Variants in RHAG observed in about 807,000 individuals in gnomAD.
The protein encoded by RHAG is ammonium transporter Rh type A.
In RHAG, 25 loss-of-function variants were observed where a neutral mutation model predicts 42.4. That is an observed-to-expected ratio of 0.59 (90% CI 0.43 to 0.82). RHAG has a LOEUF of 0.82. Among genes scored for constraint, RHAG ranks in the 40% least tolerant of loss-of-function variants. RHAG has a pLI of 0.00. For missense variants in RHAG, 483 were observed against 504.6 expected, an observed-to-expected ratio of 0.96 and a Z score of 0.41; for synonymous variants, 182 against 177.7, an observed-to-expected ratio of 1.02 and a Z score of -0.19.
intron 1 of RHAG, among the ~76,000 whole-genome samples, chr6:49,620,000 G>C (rs575517269): frequency 2.4e-4 from 37 of 152,316 alleles, no homozygotes; most frequent in African/African-American, 8.9e-4. Flanking sequence ...AATAGCACCA[G>C]CCACGAAAAT....
chr6:49,611,269 T>C (rs1762564757), intron 6 of RHAG, 124 bp from the exon 7 acceptor site: 5 of 758,872 alleles, frequency 6.6e-6, no homozygotes, highest in Non-Finnish European at 1.1e-5. Flanking sequence ...ATAATTTTTA[T>C]GTATATTTAA....
At chr6:49,622,831 T>A (rs1047968083) in intron 1 of RHAG, among the ~76,000 whole-genome samples, 6 of 83,838 alleles carry the variant, frequency 7.2e-5, no homozygotes, top group Admixed American at 1.7e-4. Context: ...AAAACCAGAC[T>A]TTTTTTTTTT....
chr6:49,615,095 G>A (rs115781892), intron 4 of RHAG: 5 of 462,164 alleles, frequency 1.1e-5, no homozygotes, highest in South Asian at 7.5e-5. Flanking sequence ...TTACAGGTGC[G>A]GGCTACCATG....
chr6:49,607,002 T>C, intron 8 of RHAG, 81 bp from the exon 9 acceptor site: 1 of 1,214,070 alleles, frequency 8.2e-7, no homozygotes, highest in Non-Finnish European at 1.2e-6. Context: ...TATACTATTA[T>C]AAAATCATCC....
Position 49,606,830 on chromosome 6 carries a change from T to C in RHAG, c.1212+18A>G. 6.5e-7 allele frequency: 1 copy of C among 1,535,818 alleles called. No individual in the cohort carries two copies. The highest frequency in any genetic ancestry group is 9.0e-7 in the Non-Finnish European group (1 of 1,108,868). ...TGGAGTCATCGTTCACATTCTTGTTTAGAATACTGTACAGTACCTTCCAAT... is the reference window on the plus strand; with the variant it reads ...TGGAGTCATCGTTCACATTCTTGTTCAGAATACTGTACAGTACCTTCCAAT... On this transcript the variant is annotated intron_variant, in intron 9 of 9. Coordinates refer to ENST00000371175, the MANE Select transcript of RHAG (RefSeq NM_000324.3).
chr6:49,611,267 T>C (rs1762564702), intron 6 of RHAG, 122 bp from the exon 7 acceptor site: 1 of 757,946 alleles, frequency 1.3e-6, no homozygotes. Flanking sequence ...AAATAATTTT[T>C]ATGTATATTT....
rs1389251549 is a variant in RHAG, at chr6:49,636,700, A to T, written c.113T>A (p.Ile38Asn). The T allele has an allele frequency of 1.2e-6, 2 of 1,613,878 alleles. No individual in the cohort carries two copies. Among genetic ancestry groups the T allele is most frequent in the Non-Finnish European group, 1.7e-6 (2 of 1,179,864 alleles). ...TDQTVLEQLN[I>N]TKPTDMGIFF... ...TATGCCCATGTCTGTTGGCTTGGTG[A>T]TGTTGAGCTGCTCGAGAACAGTCTG... Residue 38 changes from isoleucine (I) to asparagine (N), a missense_variant, in exon 1 of 10, where the codon ATC becomes AAC. Physicochemically the swap from Ile to Asn is moderately radical, Grantham distance 149. Coordinates refer to ENST00000371175, the MANE Select transcript of RHAG (RefSeq NM_000324.3).
Position 49,611,062 on chromosome 6 carries a change from A to T in RHAG, c.1029T>A (p.Leu343=), listed in dbSNP as rs773108106. The T allele has an allele frequency of 2.5e-6, 4 of 1,613,886 alleles. No homozygotes were observed. The highest frequency in any genetic ancestry group is 3.4e-6 in the Non-Finnish European group (4 of 1,179,842). ...LHGLPGVVGG[L]AGIVAVAMGA... is the part of the protein sequence containing the mutation. ...CCATTGCTACTGCCACAATGCCTGC[A>T]AGGCCTCCCACTACACCAGGTAAGC... The change falls in exon 7 of 10, where the codon CTT becomes CTA. Residue 343 remains leucine, a synonymous_variant. Transcript: ENST00000371175.
intron 3 of RHAG, among the ~76,000 whole-genome samples, chr6:49,617,472 A>G (rs770436794): frequency 6.7e-6 from 1 of 148,946 alleles, no homozygotes; most frequent in Admixed American, 6.8e-5. Context: ...GAACTTTCAT[A>G]TTTTGTTTGT....
intron 2 of RHAG, among the ~76,000 whole-genome samples, chr6:49,618,805 T>C (rs771662938): frequency 1.7e-4 from 26 of 152,334 alleles, no homozygotes; most frequent in Middle Eastern, 3.4e-3. Flanking sequence ...TAAAGAATTG[T>C]CTTAGTCTGC....
At chr6:49,620,475 C>T (rs1184312698) in intron 1 of RHAG, among the ~76,000 whole-genome samples, 2 of 152,096 alleles carry the variant, frequency 1.3e-5, no homozygotes, top group Non-Finnish European at 2.9e-5. Context: ...GGGCAGTACA[C>T]ATAACAGCAT....
chr6:49,610,589 A>G (rs905019372), intron 7 of RHAG, among the ~76,000 whole-genome samples: 20 of 152,154 alleles, frequency 1.3e-4, no homozygotes, highest in African/African-American at 4.6e-4. Flanking sequence ...GCCATATACC[A>G]GTGTTGTTGA....
At chr6:49,615,911 G>A in intron 3 of RHAG, 140 bp from the exon 4 acceptor site, 1 of 847,640 alleles carries the variant, frequency 1.2e-6, no homozygotes, top group Non-Finnish European at 1.9e-6. Flanking sequence ...GTCAGAGAAA[G>A]GGGGGTAAAA....
At position 49,611,074 on chromosome 6, in the gene RHAG, T is replaced by C; in HGVS notation, c.1017A>G (p.Val339=). 1 of 1,613,834 alleles carries C rather than the reference T, an allele frequency of 6.2e-7. No homozygotes were observed. The highest frequency in any genetic ancestry group is 8.5e-7 in the Non-Finnish European group (1 of 1,179,844). ...GVHNLHGLPG[V]VGGLAGIVAV... is the part of the protein sequence containing the mutation. Reference sequence around the variant, plus strand: ...CCACAATGCCTGCAAGGCCTCCCACTACACCAGGTAAGCCGTGGAGGTTAT... The same window carrying C: ...CCACAATGCCTGCAAGGCCTCCCACCACACCAGGTAAGCCGTGGAGGTTAT... Residue 339 remains valine, a synonymous_variant, in exon 7 of 10, where the codon GTA becomes GTG. Transcript: ENST00000371175.
rs776764679 is a variant in RHAG, at chr6:49,612,528, T to G, written c.814A>C (p.Ile272Leu). 1.9e-6 allele frequency: 3 copies of G among 1,614,042 alleles called. No homozygotes were observed. The highest frequency in any genetic ancestry group is 2.5e-6 in the Non-Finnish European group (3 of 1,179,928). The change falls in exon 6 of 10, where the codon ATT becomes CTT. Residue 272 changes from isoleucine to leucine, a missense_variant. Transcript: ENST00000371175. ...CCTCCAGCAAGGGTGGCATTCTGAA[T>G]GTGAACCTGTGTGAGCGGCAGAAAC... ...EHRGKLNMVHIQNATLAGGVA... is the reference protein window; with the variant it reads ...EHRGKLNMVHLQNATLAGGVA...
chr6:49,628,629 C>T (rs1012148658), intron 1 of RHAG, among the ~76,000 whole-genome samples: 14 of 151,612 alleles, frequency 9.2e-5, no homozygotes, highest in African/African-American at 2.9e-4. Flanking sequence ...AGTATTACAG[C>T]TCTTAAGGTG....
At chr6:49,609,955 A>C (rs897997277) in intron 7 of RHAG, among the ~76,000 whole-genome samples, 3 of 152,200 alleles carry the variant, frequency 2.0e-5, no homozygotes, top group Non-Finnish European at 1.5e-5. Flanking sequence ...CATTCTCAGC[A>C]CACTAACACG....
At chr6:49,606,448 T>G (rs1222185970) in intron 9 of RHAG, among the ~76,000 whole-genome samples, 1 of 152,246 alleles carries the variant, frequency 6.6e-6, no homozygotes, top group South Asian at 2.1e-4. Context: ...CTGTCTGTCT[T>G]TCTTTCTCTT....
chr6:49,636,683 T>C lies in RHAG; in HGVS notation c.130A>G (p.Met44Val). The change falls in exon 1 of 10, where the codon ATG (methionine) becomes GTG (valine). Residue 44 changes from methionine to valine, a missense_variant. Met to Val is a conservative substitution (Grantham distance 21). Coordinates refer to ENST00000371175, the MANE Select transcript of RHAG (RefSeq NM_000324.3). ...GGATATAACTCAAAGAATATGCCCA[T>C]GTCTGTTGGCTTGGTGATGTTGAGC... Reference protein sequence around the residue: ...EQLNITKPTDMGIFFELYPLF... With the variant: ...EQLNITKPTDVGIFFELYPLF... 3 of 1,613,966 alleles carry C rather than the reference T, an allele frequency of 1.9e-6. No homozygotes were observed. Among genetic ancestry groups the C allele is most frequent in the Non-Finnish European group, 2.5e-6 (3 of 1,179,832 alleles).
Sources: allele counts gnomAD v4.1 joint callset (sites outside exome capture counted in the v4.1 genomes callset), GRCh38; gene constraint gnomAD v4.1.1; transcripts MANE v1.5; gene names NCBI Gene and HGNC (gene_info 2026-07-23, HGNC 2026-07-21).